The following KLF7 variants were observed in gnomAD, a reference collection of about 807,000 sequenced individuals.
KLF7 encodes the protein Krueppel-like factor 7.
In KLF7, 2 loss-of-function variants were observed where a neutral mutation model predicts 27.3. The ratio of observed to expected loss-of-function variants is 0.07; its 90% CI spans 0.03 to 0.23. The LOEUF (loss-of-function observed/expected upper bound fraction) is 0.23, where lower values mean the gene tolerates loss of function less well. KLF7 is among the 10% of genes least tolerant of loss of function. KLF7 has a pLI of 1.00. For missense variants in KLF7, 221 were observed against 394.1 expected, an observed-to-expected ratio of 0.56 and a Z score of 3.72; for synonymous variants, 165 against 162.4, an observed-to-expected ratio of 1.02 and a Z score of -0.12.
intron 3 of KLF7, 109 bp from the exon 4 acceptor site, chr2:207,081,373 G>A: frequency 1.0e-6 from 1 of 968,948 alleles, no homozygotes; most frequent in Non-Finnish European, 1.7e-6. Flanking sequence ...CAGTGCACAT[G>A]CATTGAGAAA....
chr2:207,156,970 G>A (rs1170271601), intron 1 of KLF7, among the ~76,000 whole-genome samples: 5 of 152,088 alleles, frequency 3.3e-5, no homozygotes, highest in Admixed American at 6.6e-5. Context: ...ACTGATGCCC[G>A]GGTCCTTCCC....
At chr2:207,114,053 G>T (rs1009298140) in intron 2 of KLF7, among the ~76,000 whole-genome samples, 1 of 152,084 alleles carries the variant, frequency 6.6e-6, no homozygotes, top group Non-Finnish European at 1.5e-5. Context: ...TTTTCTAAAC[G>T]CTAATATTTA....
chr2:207,151,557 T>C (rs546946473), intron 1 of KLF7, among the ~76,000 whole-genome samples: 1 of 152,284 alleles, frequency 6.6e-6, no homozygotes, highest in African/African-American at 2.4e-5. Context: ...CTGGTTTGCA[T>C]TCTGGTTCTC....
In KLF7 at chr2:207,143,395, GAA is replaced by G. The variant is rs11324153; in HGVS notation, c.103-18993_103-18992del. ...GGAAGAGGAACAAAAGAAATGACAT[GAA>G]AAAAAAAAATCCCTCCATTTACCAA... is the stretch of plus-strand genomic sequence containing the variant. On this transcript the variant is annotated intron_variant, in intron 1 of 3. Coordinates refer to ENST00000309446, the MANE Select transcript of KLF7 (RefSeq NM_003709.4). Among the ~76,000 whole-genome samples the G allele has an allele frequency of 1.6e-3, 213 of 129,598 alleles. 1 individual carries two copies. Among genetic ancestry groups the G allele is most frequent in the African/African-American group, 5.3e-3 (190 of 36,176 alleles). 85.0% of individuals were successfully genotyped at this position (129,598 alleles called of 152,430 possible).
rs143690104 is a variant in KLF7, at chr2:207,134,861, T to C, written c.103-10457A>G. Among the ~76,000 whole-genome samples the C allele has an allele frequency of 7.9e-5, 12 of 152,310 alleles. No individual in the cohort carries two copies. The East Asian group carries it at 2.3e-3, about 29-fold the overall frequency. ...CACCTGTAAAATGGGGTAATAGTAG[T>C]ACCTACAACGCAGAAGCATTGTGAG... On this transcript the variant is annotated intron_variant, in intron 1 of 3. Transcript: ENST00000309446.
At chr2:207,167,740 T>G (rs2078751032), upstream of KLF7, among the ~76,000 whole-genome samples, 1 of 152,230 alleles carries the variant, frequency 6.6e-6, no homozygotes, top group African/African-American at 2.4e-5. Flanking sequence ...TGCACGACTT[T>G]GAGCGAATTA....
At chr2:207,121,673 G>A (rs2077344855) in intron 2 of KLF7, 1 of 152,152 alleles carries the variant, frequency 6.6e-6, no homozygotes, top group South Asian at 2.1e-4. Flanking sequence ...TTCCACTTTA[G>A]TCCAACATGA....
intron 1 of KLF7, among the ~76,000 whole-genome samples, chr2:207,133,010 C>A (rs143782124): frequency 1.8e-4 from 28 of 152,318 alleles, no homozygotes; most frequent in African/African-American, 6.7e-4. Context: ...TTGCAGAGAG[C>A]CCTTAAGAAG....
intron 1 of KLF7, among the ~76,000 whole-genome samples, chr2:207,159,332 T>C (rs866390226): frequency 1.3e-5 from 2 of 152,188 alleles, no homozygotes; most frequent in Non-Finnish European, 2.9e-5. Context: ...CAACAGAACT[T>C]AGTAAATCTC....
chr2:207,136,087 CT>C (rs916890616), intron 1 of KLF7, among the ~76,000 whole-genome samples: 1 of 152,134 alleles, frequency 6.6e-6, no homozygotes, highest in Non-Finnish European at 1.5e-5. Flanking sequence ...GAACTCTGGC[CT>C]GGGAATCAGG....
intron 1 of KLF7, among the ~76,000 whole-genome samples, chr2:207,135,010 C>T (rs147216469): frequency 3.5e-4 from 53 of 152,254 alleles, no homozygotes; most frequent in East Asian, 3.5e-3. Context: ...AGAAACCTAT[C>T]GAGGGCATGG....
intron 1 of KLF7, chr2:207,149,149 A>G: frequency 3.9e-6 from 5 of 1,288,258 alleles, no homozygotes; most frequent in Non-Finnish European, 5.1e-6. Context: ...TTTCATAGTC[A>G]ATAATAAGAA....
intron 1 of KLF7, among the ~76,000 whole-genome samples, chr2:207,157,390 T>C (rs2078418115): frequency 6.6e-6 from 1 of 151,154 alleles, no homozygotes; most frequent in African/African-American, 2.4e-5. Context: ...TGGGTGGAAC[T>C]TGGACAAAGA....
rs2076219328 is a variant in KLF7 at position 207,078,852 on chromosome 2, A to C, written c.*2361T>G. 3 of 152,222 alleles carry C rather than the reference A, an allele frequency of 2.0e-5. No homozygotes were observed. Among genetic ancestry groups the C allele is most frequent in the Admixed American group, 6.5e-5 (1 of 15,284 alleles). The allele number at this position is 152,222 out of a possible 1,614,324, so 9.4% of individuals were successfully genotyped here. A position where few individuals can be genotyped will look rare whatever the true frequency, so the allele number is the denominator to read the frequency against. On this transcript the variant is annotated 3_prime_UTR_variant, in exon 4 of 4. Coordinates refer to ENST00000309446, the MANE Select transcript of KLF7 (RefSeq NM_003709.4). Reference sequence around the variant, plus strand: ...TGGACTGGCCACAAAATGCACTCAAATGCAGCAGAGAACTACGAGATTGTC... The same window carrying C: ...TGGACTGGCCACAAAATGCACTCAACTGCAGCAGAGAACTACGAGATTGTC...
chr2:207,087,315 A>G (rs74840958), intron 3 of KLF7, among the ~76,000 whole-genome samples: 2 of 151,434 alleles, frequency 1.3e-5, no homozygotes, highest in Non-Finnish European at 2.9e-5. Flanking sequence ...AGGAAGAAGG[A>G]AAAAAAAAGG....
chr2:207,086,887 A>G (rs1316167067), intron 3 of KLF7, among the ~76,000 whole-genome samples: 1 of 152,230 alleles, frequency 6.6e-6, no homozygotes, highest in Non-Finnish European at 1.5e-5. Context: ...ACCACTCACA[A>G]AGAATTCACC....
chr2:207,105,485 G>A (rs188845503), intron 2 of KLF7, among the ~76,000 whole-genome samples: 137 of 152,328 alleles, frequency 9.0e-4, no homozygotes, highest in Middle Eastern at 6.8e-3. Context: ...GACTTTTTAA[G>A]TCTGGGTCTG....
At chr2:207,117,578 A>C (rs2077223387) in intron 2 of KLF7, among the ~76,000 whole-genome samples, 1 of 152,184 alleles carries the variant, frequency 6.6e-6, no homozygotes, top group South Asian at 2.1e-4. Context: ...TTAATGTCTT[A>C]AAATCGCCCC....
Position 207,099,550 on chromosome 2 carries a change from C to CTATATA in KLF7, c.734-10970_734-10969insTATATA, listed in dbSNP as rs1359258095. Among the ~76,000 whole-genome samples the CTATATA allele has an allele frequency of 2.6e-4, 6 of 22,844 alleles. 1 individual carries two copies. The highest frequency in any genetic ancestry group is 5.3e-4 in the Non-Finnish European group (6 of 11,256). 15.0% of individuals were successfully genotyped at this position (22,844 alleles called of 152,430 possible). A position where few individuals can be genotyped will look rare whatever the true frequency, so the allele number is the denominator to read the frequency against. ...AAAAGTTAACTTTCTGCTACATATG[C>CTATATA]GATATATATATATATATATATATGA... On this transcript the variant is annotated intron_variant, in intron 2 of 3. Transcript: ENST00000309446.
Sources: gnomAD v4.1 joint callset for allele counts (sites outside exome capture counted in the v4.1 genomes callset) on GRCh38, gnomAD v4.1.1 for gene constraint, MANE v1.5 for transcripts, NCBI Gene and HGNC (gene_info 2026-07-23, HGNC 2026-07-21) for gene names.